The following SOX5 variants were observed in gnomAD, a reference collection of about 807,000 sequenced individuals.
SOX5 encodes transcription factor SOX-5.
SOX5 carries 9 observed loss-of-function variants against 92.0 expected under a neutral mutation model. That is an observed-to-expected ratio of 0.10 (90% CI 0.06 to 0.17). SOX5 has a LOEUF of 0.17. Ranked by LOEUF, SOX5 falls within the 10% of genes least tolerant of loss-of-function variation. SOX5 has a pLI of 1.00. For synonymous variants in SOX5, 344 were observed against 336.3 expected (o/e 1.02, Z -0.25); for missense variants, 642 against 944.5 (o/e 0.68, Z 4.20).
At chr12:23,850,473 T>TA (rs143417316) in intron 2 of SOX5, among the ~76,000 whole-genome samples, 10 of 145,006 alleles carry the variant, frequency 6.9e-5, no homozygotes, top group South Asian at 2.2e-4. Flanking sequence ...AAATAAAAAA[T>TA]AAAAAAAAAA....
intron 2 of SOX5, among the ~76,000 whole-genome samples, chr12:24,303,975 C>T (rs191095040): frequency 2.0e-5 from 3 of 152,226 alleles, no homozygotes; most frequent in African/African-American, 7.2e-5. Flanking sequence ...GTTGAGGCTA[C>T]AGCACTAATG....
intron 4 of SOX5, among the ~76,000 whole-genome samples, chr12:24,140,954 T>C (rs1192082717): frequency 6.6e-6 from 1 of 152,172 alleles, no homozygotes; most frequent in Non-Finnish European, 1.5e-5. Flanking sequence ...TCTATCAAGT[T>C]ACACATATTT....
chr12:23,698,279 G>A (rs1011991186), intron 6 of SOX5, among the ~76,000 whole-genome samples: 3 of 152,078 alleles, frequency 2.0e-5, no homozygotes, highest in African/African-American at 7.2e-5. Flanking sequence ...TGAATTTATA[G>A]TTAATGAAAT....
chr12:23,592,739 G>C (rs1951742744), intron 9 of SOX5, among the ~76,000 whole-genome samples: 1 of 152,092 alleles, frequency 6.6e-6, no homozygotes, highest in Non-Finnish European at 1.5e-5. Context: ...TCTTATTTCA[G>C]TATAGACAAA....
intron 6 of SOX5, among the ~76,000 whole-genome samples, chr12:23,729,200 C>G (rs1322920494): frequency 2.0e-5 from 3 of 152,000 alleles, no homozygotes; most frequent in Non-Finnish European, 4.4e-5. Flanking sequence ...CTTCAGAGAA[C>G]CAGGTGTTAG....
At chr12:23,999,214 C>T (rs966178839) in intron 4 of SOX5, among the ~76,000 whole-genome samples, 1 of 145,754 alleles carries the variant, frequency 6.9e-6, no homozygotes, top group Non-Finnish European at 1.5e-5. Flanking sequence ...AAGACAACTG[C>T]CTGCTACGTG....
At chr12:24,499,079 C>A (rs1597336514) in intron 1 of SOX5, among the ~76,000 whole-genome samples, 1 of 152,194 alleles carries the variant, frequency 6.6e-6, no homozygotes, top group East Asian at 1.9e-4. Context: ...TCAGGTATAG[C>A]TCTATCATAG....
chr12:24,489,018 TA>T (rs1209253925), intron 1 of SOX5, among the ~76,000 whole-genome samples: 1 of 152,212 alleles, frequency 6.6e-6, no homozygotes, highest in African/African-American at 2.4e-5. Flanking sequence ...GGCAAGCAAC[TA>T]AAGGTCATTT....
chr12:24,389,684 CTG>C (rs1453332839), intron 1 of SOX5, among the ~76,000 whole-genome samples: 1 of 152,122 alleles, frequency 6.6e-6, no homozygotes, highest in Non-Finnish European at 1.5e-5. Context: ...GCTATGAACA[CTG>C]TATATAAGTT....
chr12:23,986,562 G>T (rs1950082623), intron 4 of SOX5, among the ~76,000 whole-genome samples: 2 of 152,136 alleles, frequency 1.3e-5, no homozygotes, highest in South Asian at 4.1e-4. Flanking sequence ...CATCAGTTGG[G>T]TAATTTATCA....
chr12:24,512,933 C>T (rs1186789843), intron 1 of SOX5, among the ~76,000 whole-genome samples: 4 of 152,170 alleles, frequency 2.6e-5, no homozygotes, highest in Non-Finnish European at 5.9e-5. Context: ...CCTCAACTTA[C>T]GATGGTTGCA....
intron 2 of SOX5, among the ~76,000 whole-genome samples, chr12:24,323,124 C>T (rs1026528586): frequency 6.6e-6 from 1 of 151,918 alleles, no homozygotes; most frequent in Non-Finnish European, 1.5e-5. Context: ...CAAACCTGCA[C>T]ATTTAGAACC....
intron 11 of SOX5, among the ~76,000 whole-genome samples, chr12:23,557,591 T>C (rs908647265): frequency 2.6e-5 from 4 of 152,060 alleles, no homozygotes; most frequent in Admixed American, 6.5e-5. Flanking sequence ...TGAATATACG[T>C]TTATAGATTT....
chr12:24,409,334 G>A (rs559875956), intron 1 of SOX5, among the ~76,000 whole-genome samples: 3 of 152,274 alleles, frequency 2.0e-5, no homozygotes, highest in African/African-American at 7.2e-5. Context: ...AGAGCCTGCT[G>A]TGGGGTGGGG....
chr12:23,712,005 A>T (rs1446192041), intron 6 of SOX5, among the ~76,000 whole-genome samples: 2 of 152,202 alleles, frequency 1.3e-5, no homozygotes, highest in Admixed American at 6.5e-5. Flanking sequence ...AATGAGGAGA[A>T]TGAGTAAATT....
chr12:23,874,680 A>G (rs1207870376), intron 2 of SOX5, among the ~76,000 whole-genome samples: 1 of 152,190 alleles, frequency 6.6e-6, no homozygotes, highest in Non-Finnish European at 1.5e-5. Context: ...CCTAAGATGA[A>G]TTCCAAGAGG....
At chr12:24,022,134 C>T (rs762485110) in intron 4 of SOX5, among the ~76,000 whole-genome samples, 8 of 152,188 alleles carry the variant, frequency 5.3e-5, no homozygotes, top group African/African-American at 1.2e-4. Flanking sequence ...CATAAACAAA[C>T]GCAGAATCAT....
At chr12:23,994,852 T>A (rs1950888353) in intron 4 of SOX5, among the ~76,000 whole-genome samples, 1 of 152,214 alleles carries the variant, frequency 6.6e-6, no homozygotes, top group Non-Finnish European at 1.5e-5. Context: ...TGGTCTAACG[T>A]GAGAAATCAA....
In SOX5 at chr12:24,303,839, C is replaced by G. The variant is rs115481007; in HGVS notation, c.-173-26527G>C. ...CAAAGGGGAGAGAGAGGGGGAGGCA[C>G]CTTAAAAGCTGCCAACCACAATAGG... On this transcript the variant is annotated intron_variant, in intron 2 of 4. Transcript: ENST00000446891. Among the ~76,000 whole-genome samples, 88 of 152,140 alleles carry G rather than the reference C, an allele frequency of 5.8e-4. 1 individual carries two copies. The South Asian group carries it at 0.018, about 31-fold the overall frequency.
Sources: allele counts gnomAD v4.1 joint callset (sites outside exome capture counted in the v4.1 genomes callset), GRCh38; gene constraint gnomAD v4.1.1; transcripts MANE v1.5; gene names NCBI Gene and HGNC (gene_info 2026-07-23, HGNC 2026-07-21).